Variants in WDR41 observed in about 807,000 individuals in gnomAD.
The protein encoded by WDR41 is WD repeat-containing protein 41.
In WDR41, 63 loss-of-function variants were observed where a neutral mutation model predicts 69.3. The ratio of observed to expected loss-of-function variants is 0.91; its 90% CI spans 0.74 to 1.12. The LOEUF (loss-of-function observed/expected upper bound fraction) is 1.12. WDR41 is among the 50% of genes most tolerant of loss of function. The pLI, the probability that WDR41 is intolerant of heterozygous loss-of-function variation, is 0.00. For synonymous variants in WDR41, 185 were observed against 192.1 expected, an observed-to-expected ratio of 0.96 and a Z score of 0.31; for missense variants, 543 against 534.5, an observed-to-expected ratio of 1.02 and a Z score of -0.16.
chr5:77,562,331 G>A (rs1308117432), intron 1 of WDR41, among the ~76,000 whole-genome samples: 1 of 152,188 alleles, frequency 6.6e-6, no homozygotes, highest in African/African-American at 2.4e-5. Context: ...CTTGTAGAAG[G>A]TAATACAAAG....
chr5:77,461,552 A>T (rs1800062162), intron 4 of WDR41, among the ~76,000 whole-genome samples: 1 of 152,246 alleles, frequency 6.6e-6, no homozygotes, highest in South Asian at 2.1e-4. Context: ...TTAAAAATTA[A>T]TATGACCGGA....
chr5:77,536,701 AT>A (rs1742989968), intron 1 of WDR41, among the ~76,000 whole-genome samples: 1 of 152,182 alleles, frequency 6.6e-6, no homozygotes, highest in South Asian at 2.1e-4. Context: ...TCCCTATATT[AT>A]TCAGAAGAGT....
At chr5:77,602,851 A>G (rs1216685211) in intron 1 of WDR41, among the ~76,000 whole-genome samples, 3 of 151,732 alleles carry the variant, frequency 2.0e-5, no homozygotes, top group African/African-American at 7.3e-5. Context: ...ACTGTTTTCC[A>G]TAGTGGTTGT....
chr5:77,571,965 A>G (rs16874397), intron 1 of WDR41, among the ~76,000 whole-genome samples: 8,554 of 152,230 alleles, frequency 0.056, 403 homozygotes, highest in South Asian at 0.14. Flanking sequence ...GAAAAATGCT[A>G]GGCTTCTGAG....
chr5:77,610,501 C>T (rs2112339472), intron 1 of WDR41, among the ~76,000 whole-genome samples: 1 of 152,248 alleles, frequency 6.6e-6, no homozygotes, highest in Middle Eastern at 3.4e-3. Context: ...GGCCAATATT[C>T]AACATTCTTA....
chr5:77,488,974 T>C (rs573943740), intron 2 of WDR41, among the ~76,000 whole-genome samples: 1 of 152,302 alleles, frequency 6.6e-6, no homozygotes, highest in African/African-American at 2.4e-5. Flanking sequence ...AACATAATTA[T>C]TATACATGTT....
intron 9 of WDR41, among the ~76,000 whole-genome samples, 164 bp downstream of exon 9, chr5:77,440,649 G>A (rs940194435): frequency 6.6e-6 from 1 of 152,102 alleles, no homozygotes; most frequent in Non-Finnish European, 1.5e-5. Flanking sequence ...AGATTAAAAT[G>A]CTTAACACAA....
At chr5:77,485,945 AC>A (rs1442771894) in intron 2 of WDR41, among the ~76,000 whole-genome samples, 3 of 152,180 alleles carry the variant, frequency 2.0e-5, no homozygotes, top group African/African-American at 7.2e-5. Context: ...ATAACAGCTG[AC>A]CAAAAAAAAC....
At chr5:77,521,264 C>T (rs1366734394) in intron 1 of WDR41, among the ~76,000 whole-genome samples, 1 of 152,208 alleles carries the variant, frequency 6.6e-6, no homozygotes, top group Non-Finnish European at 1.5e-5. Flanking sequence ...ATATACCTCG[C>T]ATGCGCAGTT....
intron 9 of WDR41, among the ~76,000 whole-genome samples, chr5:77,439,373 T>G (rs163018): frequency 0.59 from 89,450 of 152,034 alleles, 28,077 homozygotes; most frequent in African/African-American, 0.8. Context: ...TCTTAAATCT[T>G]GAATGATCCC....
At chr5:77,596,201 G>A (rs1446784375) in intron 1 of WDR41, among the ~76,000 whole-genome samples, 2 of 152,180 alleles carry the variant, frequency 1.3e-5, no homozygotes, top group African/African-American at 2.4e-5. Context: ...AAGCTAGAGT[G>A]CAGTGGTGTG....
chr5:77,534,337 G>A (rs1742922596), intron 1 of WDR41, among the ~76,000 whole-genome samples: 1 of 151,832 alleles, frequency 6.6e-6, no homozygotes, highest in Non-Finnish European at 1.5e-5. Context: ...TATGTGGGGG[G>A]CGGCGGGGAA....
chr5:77,535,123 C>G (rs1218131562), intron 1 of WDR41, among the ~76,000 whole-genome samples: 1 of 152,048 alleles, frequency 6.6e-6, no homozygotes, highest in Non-Finnish European at 1.5e-5. Context: ...CAGGTCATTT[C>G]TATCTTGCTG....
chr5:77,536,228 T>A (rs1208037547), intron 1 of WDR41, among the ~76,000 whole-genome samples: 1 of 152,116 alleles, frequency 6.6e-6, no homozygotes, highest in Non-Finnish European at 1.5e-5. Context: ...AATTAGTCAT[T>A]TAATTTCAAT....
At chr5:77,607,904 A>T (rs1321876818) in intron 1 of WDR41, among the ~76,000 whole-genome samples, 2 of 152,234 alleles carry the variant, frequency 1.3e-5, no homozygotes, top group Non-Finnish European at 2.9e-5. Flanking sequence ...AATGTACTCC[A>T]ATCAGGCTTT....
intron 2 of WDR41, among the ~76,000 whole-genome samples, chr5:77,469,658 T>C (rs1166159830): frequency 1.3e-5 from 2 of 151,834 alleles, no homozygotes; most frequent in East Asian, 1.9e-4. Flanking sequence ...TAAAATAACA[T>C]TGAAAAAATG....
chr5:77,560,387 G>T (rs932646111), intron 1 of WDR41, among the ~76,000 whole-genome samples: 3 of 152,124 alleles, frequency 2.0e-5, no homozygotes, highest in African/African-American at 7.2e-5. Flanking sequence ...ATGGCTTTTA[G>T]ATATGCTTCC....
At chr5:77,445,687 TAATA>T (rs1356962771) in intron 8 of WDR41, among the ~76,000 whole-genome samples, 1 of 152,154 alleles carries the variant, frequency 6.6e-6, no homozygotes, top group Non-Finnish European at 1.5e-5. Flanking sequence ...ATGATTATCT[TAATA>T]GATGCAGAAA....
In WDR41 at chr5:77,501,813, T is replaced by C. The variant is rs533626427; in HGVS notation, c.43-12241A>G. ...GGGTCCTGACTGTTAGAATGAAAGC[T>C]AACAAACAGAAAGGAATAGCATCAA... On this transcript the variant is annotated intron_variant, in intron 1 of 5. Transcript: ENST00000509971. Among the ~76,000 whole-genome samples, 3 of 152,094 alleles carry C rather than the reference T, an allele frequency of 2.0e-5. No homozygotes were observed. In the South Asian group the frequency reaches 6.2e-4, roughly 32 times the overall value.
Sources: allele counts gnomAD v4.1 joint callset (sites outside exome capture counted in the v4.1 genomes callset), GRCh38; gene constraint gnomAD v4.1.1; transcripts MANE v1.5; gene names NCBI Gene and HGNC (gene_info 2026-07-23, HGNC 2026-07-21).